ITGB3: variants seen among roughly 807,000 people sequenced by gnomAD.
ITGB3 encodes integrin beta-3.
ITGB3 carries 48 observed loss-of-function variants against 85.8 expected under a neutral mutation model. The observed-to-expected ratio is 0.56, with a 90% CI of 0.44 to 0.71. The LOEUF is 0.71. Ranked by LOEUF, ITGB3 falls within the 30% of genes least tolerant of loss-of-function variation. The probability of loss-of-function intolerance (pLI) is 0.00; values close to 1 mark genes in which losing one functional copy is unlikely to be tolerated. For missense variants in ITGB3, 861 were observed against 1,019.1 expected, an observed-to-expected ratio of 0.84 and a Z score of 2.11; for synonymous variants, 363 against 395.6, an observed-to-expected ratio of 0.92 and a Z score of 0.98.
chr17:47,308,835 G>A (rs536230579), intron 14 of ITGB3, among the ~76,000 whole-genome samples: 1 of 152,182 alleles, frequency 6.6e-6, no homozygotes, highest in South Asian at 2.1e-4. Context: ...TATAGGATTT[G>A]TTACTTTCTG....
At chr17:47,255,752 A>T (rs1022401549) in intron 1 of ITGB3, among the ~76,000 whole-genome samples, 1 of 152,282 alleles carries the variant, frequency 6.6e-6, no homozygotes. Flanking sequence ...TACAGTTGAT[A>T]TGTAGAGGAA....
chr17:47,273,450 TAGAG>T (rs2065052413), intron 1 of ITGB3, among the ~76,000 whole-genome samples: 1 of 152,180 alleles, frequency 6.6e-6, no homozygotes, highest in Non-Finnish European at 1.5e-5. Flanking sequence ...GCTAGGCAAT[TAGAG>T]AGGACAGTGG....
chr17:47,274,821 T>A (rs1449526167), intron 2 of ITGB3, among the ~76,000 whole-genome samples: 2 of 152,190 alleles, frequency 1.3e-5, no homozygotes, highest in Admixed American at 1.3e-4. Context: ...TTATTTTAAA[T>A]TTTTTGGTAG....
At chr17:47,280,596 ATCCACCCGTG>A (rs1160111056) in intron 2 of ITGB3, among the ~76,000 whole-genome samples, 1 of 152,120 alleles carries the variant, frequency 6.6e-6, no homozygotes, top group Non-Finnish European at 1.5e-5. Context: ...AGCTCAAGTT[ATCCACCCGTG>A]TCGGCCTCCC....
intron 1 of ITGB3, among the ~76,000 whole-genome samples, chr17:47,254,261 C>T (rs1387920776): frequency 1.3e-5 from 2 of 152,080 alleles, no homozygotes; most frequent in South Asian, 2.1e-4. Flanking sequence ...CCCGGGGCTG[C>T]GCGCGTCGCG....
chr17:47,268,105 A>C (rs1157454543), intron 1 of ITGB3, among the ~76,000 whole-genome samples: 1 of 152,162 alleles, frequency 6.6e-6, no homozygotes, highest in Non-Finnish European at 1.5e-5. Context: ...CTCACTTACT[A>C]TCATGAGAAC....
intron 11 of ITGB3, 99 bp from the exon 12 acceptor site, chr17:47,300,379 G>A (rs191270255): frequency 1.5e-5 from 12 of 804,920 alleles, no homozygotes; most frequent in East Asian, 2.6e-5. Context: ...TTTAATGGAG[G>A]TGGAGCAGCT....
chr17:47,292,606 C>T (rs779503387), intron 10 of ITGB3, 38 bp downstream of exon 10: 16 of 1,594,634 alleles, frequency 1.0e-5, no homozygotes, highest in South Asian at 9.9e-5. Context: ...CTGGAACCCA[C>T]ACCCCCTCAT....
intron 1 of ITGB3, among the ~76,000 whole-genome samples, chr17:47,263,029 A>G (rs554411943): frequency 3.3e-5 from 5 of 152,326 alleles, no homozygotes; most frequent in Non-Finnish European, 5.9e-5. Flanking sequence ...TGAATGTGAC[A>G]TAGACTCAAA....
At chr17:47,261,370 A>T (rs2065008132) in intron 1 of ITGB3, among the ~76,000 whole-genome samples, 1 of 152,162 alleles carries the variant, frequency 6.6e-6, no homozygotes, top group South Asian at 2.1e-4. Flanking sequence ...TGCAGAAAGT[A>T]CCAGTACCAG....
In ITGB3 at chr17:47,274,395, A is replaced by G. The variant is rs1307315052; in HGVS notation, c.80-24A>G. 1.9e-6 allele frequency: 3 copies of G among 1,608,044 alleles called. No individual in the cohort carries two copies. The Admixed American group carries it at 5.0e-5, about 27-fold the overall frequency. On this transcript the variant is annotated intron_variant, in intron 1 of 14. Coordinates refer to ENST00000559488, the MANE Select transcript of ITGB3 (RefSeq NM_000212.3). ...CCTTCACTGAGCCAAATCTGGTGCT[A>G]ATGCCTTTGTCTGTCTGTTGCAGGG...
chr17:47,280,488 C>T (rs1468742719), intron 2 of ITGB3, among the ~76,000 whole-genome samples: 1 of 152,190 alleles, frequency 6.6e-6, no homozygotes, highest in East Asian at 1.9e-4. Flanking sequence ...TCCTGAGTAG[C>T]TGAGATTCCA....
rs1953809942 is a variant in ITGB3, at chr17:47,299,671, TC to T, written c.1913+143del. The T allele has an allele frequency of 3.6e-6, 3 of 842,698 alleles. No homozygotes were observed. Among genetic ancestry groups the T allele is most frequent in the African/African-American group, 3.4e-5 (2 of 59,562 alleles). The allele number at this position is 842,698 out of a possible 1,614,324, so 52.2% of individuals were successfully genotyped here. On this transcript the variant is annotated intron_variant, in intron 11 of 14. Transcript: ENST00000559488. The surrounding 1 kb of genome is among the most constrained non-coding windows in gnomAD (Gnocchi z 5.1). The stretch of plus-strand genomic sequence containing the variant: ...TCCACTCCAGCCAGATGGCTGTCTC[TC>T]CTTTTGCCAAAGGCTTTGGGCAAGT...
At chr17:47,269,702 A>G (rs913882249) in intron 1 of ITGB3, among the ~76,000 whole-genome samples, 2 of 152,090 alleles carry the variant, frequency 1.3e-5, no homozygotes, top group African/African-American at 4.8e-5. Context: ...GAAGCTCCAA[A>G]CTTTCCCACA....
At chr17:47,263,483 C>G (rs534520447) in intron 1 of ITGB3, among the ~76,000 whole-genome samples, 3 of 137,510 alleles carry the variant, frequency 2.2e-5, no homozygotes, top group East Asian at 2.4e-4. Flanking sequence ...CCGCCCCCCC[C>G]ACCCCCACCC....
chr17:47,258,821 C>T (rs2064999485), intron 1 of ITGB3, among the ~76,000 whole-genome samples: 1 of 152,198 alleles, frequency 6.6e-6, no homozygotes, highest in Non-Finnish European at 1.5e-5. Flanking sequence ...CCTGTCCCTG[C>T]AGTTCTATGT....
chr17:47,262,232 C>G (rs1045602891), intron 1 of ITGB3, among the ~76,000 whole-genome samples: 1 of 152,208 alleles, frequency 6.6e-6, no homozygotes, highest in African/African-American at 2.4e-5. Flanking sequence ...GCCTGCTGTC[C>G]ACACCCATAA....
At chr17:47,258,142 C>T (rs2064996682) in intron 1 of ITGB3, among the ~76,000 whole-genome samples, 1 of 152,134 alleles carries the variant, frequency 6.6e-6, no homozygotes, top group Admixed American at 6.5e-5. Context: ...AGGGATGAAC[C>T]GCTTCGTTTT....
intron 12 of ITGB3, among the ~76,000 whole-genome samples, chr17:47,301,715 T>C (rs1268675397): frequency 6.6e-6 from 1 of 152,204 alleles, no homozygotes; most frequent in African/African-American, 2.4e-5. Flanking sequence ...TTATAGCTTG[T>C]AAAAGTTATA....
Sources: allele counts gnomAD v4.1 joint callset (sites outside exome capture counted in the v4.1 genomes callset), GRCh38; gene constraint gnomAD v4.1.1; non-coding constraint Gnocchi (gnomAD v3.1); transcripts MANE v1.5; gene names NCBI Gene and HGNC (gene_info 2026-07-23, HGNC 2026-07-21).